Variants in ANO3 observed in about 807,000 individuals in gnomAD.
The protein encoded by ANO3 is anoctamin-3.
A neutral mutation model predicts 144.8 loss-of-function variants in ANO3; 99 were observed. That is an observed-to-expected ratio of 0.68 (90% CI 0.58 to 0.81). The LOEUF (loss-of-function observed/expected upper bound fraction) is 0.81, where lower values mean the gene tolerates loss of function less well. ANO3 is among the 30% of genes least tolerant of loss of function. ANO3 has a pLI of 0.00. For synonymous variants in ANO3, 414 were observed against 392.6 expected (o/e 1.05, Z -0.64); for missense variants, 905 against 1,202.2 (o/e 0.75, Z 3.66).
intron 1 of ANO3, among the ~76,000 whole-genome samples, chr11:26,302,234 C>G (rs1332622629): frequency 6.6e-6 from 1 of 152,192 alleles, no homozygotes; most frequent in Non-Finnish European, 1.5e-5. Flanking sequence ...CGGTGGCTCA[C>G]GACTGTAATC....
intron 14 of ANO3, among the ~76,000 whole-genome samples, chr11:26,566,164 T>C (rs1850575132): frequency 1.3e-5 from 2 of 151,974 alleles, no homozygotes; most frequent in South Asian, 4.1e-4. Flanking sequence ...TCAAAGACCA[T>C]TTAGCTTGGG....
intron 1 of ANO3, among the ~76,000 whole-genome samples, chr11:26,364,658 C>T (rs1403304961): frequency 1.3e-5 from 2 of 152,048 alleles, no homozygotes; most frequent in Admixed American, 6.6e-5. Context: ...CCACACTTTA[C>T]AAAAACTAGA....
intron 1 of ANO3, among the ~76,000 whole-genome samples, chr11:26,438,610 A>AAAAAAAAAAAAAAAG (rs1565024972): frequency 8.8e-3 from 646 of 73,826 alleles, no homozygotes; most frequent in Middle Eastern, 0.014. Flanking sequence ...AAAAAAAAAG[A>AAAAAAAAAAAAAAAG]AAAAAAAAAA....
At chr11:26,242,149 C>T (rs1182620893) in intron 1 of ANO3, among the ~76,000 whole-genome samples, 2 of 152,178 alleles carry the variant, frequency 1.3e-5, no homozygotes, top group Admixed American at 1.3e-4. Flanking sequence ...TTCATTGCCT[C>T]ATTAACAATG....
intron 1 of ANO3, among the ~76,000 whole-genome samples, chr11:26,201,796 A>G (rs1452864045): frequency 6.6e-6 from 1 of 151,340 alleles, no homozygotes; most frequent in East Asian, 1.9e-4. Flanking sequence ...AGCTATGTGA[A>G]TAAAGCACTG....
chr11:26,191,443 A>G (rs1031308758), intron 1 of ANO3, among the ~76,000 whole-genome samples: 1 of 152,068 alleles, frequency 6.6e-6, no homozygotes, highest in Non-Finnish European at 1.5e-5. Flanking sequence ...AGACACCTGT[A>G]TCGACTCCTA....
At chr11:26,376,936 G>A (rs777570824) in intron 1 of ANO3, among the ~76,000 whole-genome samples, 3 of 152,104 alleles carry the variant, frequency 2.0e-5, no homozygotes, top group Non-Finnish European at 4.4e-5. Flanking sequence ...ATGGGCTAGA[G>A]GAAACATGTT....
chr11:26,260,205 C>T (rs11029449), intron 1 of ANO3, among the ~76,000 whole-genome samples: 3,013 of 152,190 alleles, frequency 0.02, 65 homozygotes, highest in East Asian at 0.12. Context: ...GCTCAAGACC[C>T]ACTATTCTGT....
intron 1 of ANO3, among the ~76,000 whole-genome samples, chr11:26,294,020 T>C (rs1326355227): frequency 6.6e-6 from 1 of 152,054 alleles, no homozygotes; most frequent in Non-Finnish European, 1.5e-5. Context: ...CCGTGTTTGG[T>C]GGAAGAGTCC....
At chr11:26,502,812 A>C (rs1409626396) in intron 4 of ANO3, among the ~76,000 whole-genome samples, 3 of 150,922 alleles carry the variant, frequency 2.0e-5, no homozygotes, top group Non-Finnish European at 1.5e-5. Context: ...CAGGTGTTAA[A>C]TGATGCTTGT....
chr11:26,638,421 G>T (rs72881705), intron 20 of ANO3, among the ~76,000 whole-genome samples: 3,880 of 152,264 alleles, frequency 0.025, 56 homozygotes, highest in Middle Eastern at 0.041. Flanking sequence ...AACTTAGATT[G>T]TGGGACATTC....
intron 1 of ANO3, among the ~76,000 whole-genome samples, chr11:26,432,926 TA>T (rs1395772637): frequency 6.6e-6 from 1 of 152,182 alleles, no homozygotes; most frequent in East Asian, 1.9e-4. Flanking sequence ...AGTTTTTTTC[TA>T]ATTATGTGAA....
At chr11:26,304,445 ATTT>A (rs1854319027) in intron 1 of ANO3, among the ~76,000 whole-genome samples, 1 of 152,120 alleles carries the variant, frequency 6.6e-6, no homozygotes, top group Non-Finnish European at 1.5e-5. Flanking sequence ...GCAAACACTT[ATTT>A]AACTTTTTTT....
At chr11:26,284,409 A>G (rs1853753373) in intron 1 of ANO3, among the ~76,000 whole-genome samples, 1 of 152,142 alleles carries the variant, frequency 6.6e-6, no homozygotes, top group Non-Finnish European at 1.5e-5. Flanking sequence ...GCACACTTTT[A>G]TCGATGTGGA....
chr11:26,554,205 T>A (rs1850019842), intron 13 of ANO3, among the ~76,000 whole-genome samples: 1 of 152,166 alleles, frequency 6.6e-6, no homozygotes, highest in South Asian at 2.1e-4. Context: ...TATTTTTTTC[T>A]GGCTTCTTTC....
At chr11:26,302,533 C>A (rs1447531411) in intron 1 of ANO3, among the ~76,000 whole-genome samples, 1 of 151,900 alleles carries the variant, frequency 6.6e-6, no homozygotes, top group African/African-American at 2.4e-5. Flanking sequence ...TGACAGAAGT[C>A]AAAAGAATGC....
chr11:26,627,162 A>T (rs1590649759), intron 18 of ANO3, among the ~76,000 whole-genome samples: 1 of 152,196 alleles, frequency 6.6e-6, no homozygotes, highest in East Asian at 1.9e-4. Flanking sequence ...TCTGGAGCTA[A>T]CATTGGAGAA....
At chr11:26,211,173 C>T (rs1216745334) in intron 1 of ANO3, among the ~76,000 whole-genome samples, 1 of 152,088 alleles carries the variant, frequency 6.6e-6, no homozygotes, top group Non-Finnish European at 1.5e-5. Context: ...GAACACAGTG[C>T]AATCAAAATA....
chr11:26,273,632 G>GCACACA (rs3220654), intron 1 of ANO3, among the ~76,000 whole-genome samples: 3,018 of 140,240 alleles, frequency 0.022, 32 homozygotes, highest in Middle Eastern at 0.05. Flanking sequence ...TGTGGATATG[G>GCACACA]CACACACACA....
Sources: gnomAD v4.1 joint callset for allele counts (sites outside exome capture counted in the v4.1 genomes callset) on GRCh38, gnomAD v4.1.1 for gene constraint, MANE v1.5 for transcripts, NCBI Gene and HGNC (gene_info 2026-07-23, HGNC 2026-07-21) for gene names.